LRP2: variants seen among roughly 807,000 people sequenced by gnomAD.
LRP2 encodes the protein LDL receptor related protein 2.
In LRP2, 172 loss-of-function variants were observed where a neutral mutation model predicts 531.0. The observed-to-expected ratio is 0.32, with a 90% CI of 0.29 to 0.37. The LOEUF is 0.37. LRP2 is among the 10% of genes least tolerant of loss of function. The pLI is 1.00. For synonymous variants in LRP2, 1,992 were observed against 2,027.6 expected (o/e 0.98, Z 0.47); for missense variants, 5,167 against 5,868.3 (o/e 0.88, Z 3.90).
intron 1 of LRP2, among the ~76,000 whole-genome samples, chr2:169,327,734 C>G (rs1455867389): frequency 7.8e-6 from 1 of 128,620 alleles, no homozygotes. Context: ...GCCCGGCCAG[C>G]CGCCCCGTCC....
rs897303927 is a variant in LRP2, at chr2:169,324,614, G to C, written c.80-3730C>G. 3.5e-5 allele frequency among the ~76,000 whole-genome samples: 5 copies of C among 142,764 alleles called. 1 individual carries two copies. The highest frequency in any genetic ancestry group is 6.0e-5 in the Non-Finnish European group (4 of 66,212). 93.7% of individuals were successfully genotyped at this position (142,764 alleles called of 152,430 possible). The stretch of plus-strand genomic sequence containing the variant: ...TAAACTTGTTTTCCAACCTCATAAA[G>C]AGCCCAAAGCTAGGGGAAAAAAAAA... On this transcript the variant is annotated intron_variant, in intron 1 of 78. Transcript: ENST00000649046.
At chr2:169,130,523 T>A (rs1013882578) in intron 77 of LRP2, among the ~76,000 whole-genome samples, 1 of 152,156 alleles carries the variant, frequency 6.6e-6, no homozygotes, top group African/African-American at 2.4e-5. Context: ...CCTGATGTCA[T>A]GATCCACCCA....
chr2:169,317,619 A>C (rs1684799132), intron 3 of LRP2, among the ~76,000 whole-genome samples: 1 of 152,154 alleles, frequency 6.6e-6, no homozygotes, highest in African/African-American at 2.4e-5. Flanking sequence ...AACTTTTTTG[A>C]GTTGTGTTTT....
chr2:169,182,218 T>G lies in LRP2; in HGVS notation c.9947A>C (p.Asn3316Thr). Reference protein sequence around the residue: ...MLAQHCVDANNTFCFDNPRGL... With the variant: ...MLAQHCVDANTTFCFDNPRGL... The stretch of plus-strand genomic sequence containing the variant: ...TCTGGGATTATCAAAGCAGAAGGTG[T>G]TGTTGGCATCCACACAGTGCTGGGC... The change falls in exon 51 of 79, where the codon AAC (asparagine) becomes ACC (threonine). Residue 3316 changes from asparagine to threonine, a missense_variant. Transcript: ENST00000649046. 1 of 1,614,158 alleles carries G rather than the reference T, an allele frequency of 6.2e-7. No individual in the cohort carries two copies. The highest frequency in any genetic ancestry group is 8.5e-7 in the Non-Finnish European group (1 of 1,179,998).
chr2:169,217,532 C>A (rs974238541), intron 34 of LRP2, among the ~76,000 whole-genome samples: 3 of 152,090 alleles, frequency 2.0e-5, no homozygotes, highest in Non-Finnish European at 4.4e-5. Flanking sequence ...CTTATTTATT[C>A]TTTTGGGTTC....
chr2:169,175,409 C>T lies in LRP2; in HGVS notation c.10572-20G>A. ...ATGCACCTGCACAGAGAACATACAG[C>T]ACTTCTTTAGCAAAGCACCAGGGGC... On this transcript the variant is annotated intron_variant, in intron 54 of 78. Coordinates refer to ENST00000649046, the MANE Select transcript of LRP2 (RefSeq NM_004525.3). 1 of 1,612,088 alleles carries T rather than the reference C, an allele frequency of 6.2e-7. No individual in the cohort carries two copies. The highest frequency in any genetic ancestry group is 1.1e-5 in the South Asian group (1 of 90,926).
At chr2:169,247,248 G>A in intron 20 of LRP2, 130 bp downstream of exon 20, 2 of 1,029,580 alleles carry the variant, frequency 1.9e-6, no homozygotes, top group East Asian at 2.6e-5. Flanking sequence ...TAGATTATGT[G>A]AACGACAAGA....
At chr2:169,199,981 T>C (rs910597902) in intron 44 of LRP2, among the ~76,000 whole-genome samples, 1 of 152,232 alleles carries the variant, frequency 6.6e-6, no homozygotes, top group African/African-American at 2.4e-5. Flanking sequence ...CCGGGTGCAG[T>C]GGCTCACGCC....
rs768137382 is a variant in LRP2 at position 169,320,778 on chromosome 2, G to A, written c.186C>T (p.Cys62=). ...DCSDDADEIG[C]AVVTCQQGYF... The stretch of plus-strand genomic sequence containing the variant: ...TTAGCCTGGCCCCTCCTCACTTACC[G>A]CAGCCAATTTCATCCGCGTCATCTG... Residue 62 remains cysteine, a splice_region_variant and synonymous_variant, in exon 2 of 79, where the codon TGC becomes TGT. Coordinates refer to ENST00000649046, the MANE Select transcript of LRP2 (RefSeq NM_004525.3). The A allele has an allele frequency of 5.5e-5, 89 of 1,613,306 alleles. No individual in the cohort carries two copies. Among genetic ancestry groups the A allele is most frequent in the Middle Eastern group, 4.9e-4 (3 of 6,062 alleles).
At chr2:169,169,905 C>T (rs1449384602) in intron 59 of LRP2, 87 bp from the exon 60 acceptor site, 3 of 893,654 alleles carry the variant, frequency 3.4e-6, no homozygotes, top group South Asian at 1.3e-5. Flanking sequence ...TACTCCATCA[C>T]ATTCCTATCT....
chr2:169,255,591 T>G (rs1458675033), intron 19 of LRP2, among the ~76,000 whole-genome samples: 2 of 152,178 alleles, frequency 1.3e-5, no homozygotes, highest in Middle Eastern at 3.2e-3. Flanking sequence ...ACAAAGACGA[T>G]GTCAGTTCTC....
At chr2:169,154,438 A>G (rs765947849) in intron 66 of LRP2, 22 bp downstream of exon 66, 1 of 1,606,528 alleles carries the variant, frequency 6.2e-7, no homozygotes, top group South Asian at 1.1e-5. Context: ...TATCAATGAA[A>G]GATGCCAAAG....
Position 169,362,421 on chromosome 2 carries a change from C to T in LRP2, c.-22G>A. 21 of 1,546,004 alleles carry T rather than the reference C, an allele frequency of 1.4e-5. No homozygotes were observed. Among genetic ancestry groups the T allele is most frequent in the Non-Finnish European group, 1.8e-5 (21 of 1,147,396 alleles). On this transcript the variant is annotated 5_prime_UTR_variant, in exon 1 of 79. Transcript: ENST00000649046. ...CCATCTCCGCGACGGTCCCCGGCCT[C>T]GCCGTTCCTTCCCCGGGAGGTGGGC...
At chr2:169,210,668 T>G (rs537878046) in intron 37 of LRP2, among the ~76,000 whole-genome samples, 1 of 152,172 alleles carries the variant, frequency 6.6e-6, no homozygotes, top group African/African-American at 2.4e-5. Context: ...TGGAAGAAAC[T>G]AATGAGATAT....
At position 169,157,519 on chromosome 2, in the gene LRP2, C is replaced by G. The variant is rs769736423; in HGVS notation, c.11888-17G>C. 4 of 1,611,466 alleles carry G rather than the reference C, an allele frequency of 2.5e-6. No individual in the cohort carries two copies. The highest frequency in any genetic ancestry group is 3.4e-6 in the Non-Finnish European group (4 of 1,178,998). ...TTCCTTTATCTGAAAAACAAAATCC[C>G]AGCATTACAAACCAGATCAGCCACA... On this transcript the variant is annotated splice_polypyrimidine_tract_variant and intron_variant, in intron 63 of 78. Transcript: ENST00000649046.
chr2:169,356,306 T>C (rs532192983), intron 1 of LRP2, among the ~76,000 whole-genome samples: 2 of 152,326 alleles, frequency 1.3e-5, no homozygotes, highest in South Asian at 4.1e-4. Context: ...GTAGCCACTG[T>C]AAGGATGTAA....
rs771826165 is a variant in LRP2 at position 169,207,123 on chromosome 2, G to A, written c.6597C>T (p.Pro2199=). Residue 2199 remains proline (P), a synonymous_variant, in exon 39 of 79, where the codon CCC becomes CCT. Coordinates refer to ENST00000649046, the MANE Select transcript of LRP2 (RefSeq NM_004525.3). ...VDMPRHIVVD[P]KNRYLFWADY... ...CAGCCCAGAAGAGGTATCTGTTCTT[G>A]GGATCTACAACAATATGCCTAGGCA... is the stretch of plus-strand genomic sequence containing the variant. 6.2e-7 allele frequency: 1 copy of A among 1,612,212 alleles called. No individual in the cohort carries two copies. The highest frequency in any genetic ancestry group is 8.5e-7 in the Non-Finnish European group (1 of 1,179,014).
Position 169,216,345 on chromosome 2 carries a change from T to C in LRP2, c.5734A>G (p.Thr1912Ala). ...TGTTCGAGGTTCCCAGTAAAGAGAG[T>C]TTTCACAGATGTGCCATCCATGTTA... is the stretch of plus-strand genomic sequence containing the variant. ...SANMDGTSVKTLFTGNLEHLE... is the reference protein window; with the variant it reads ...SANMDGTSVKALFTGNLEHLE... Residue 1912 changes from threonine to alanine, a missense_variant, in exon 35 of 79, where the codon ACT (threonine) becomes GCT (alanine). Physicochemically the swap from Thr to Ala is moderately conservative, Grantham distance 58. Transcript: ENST00000649046. 6.2e-7 allele frequency: 1 copy of C among 1,612,960 alleles called. No individual in the cohort carries two copies. Among genetic ancestry groups the C allele is most frequent in the East Asian group, 2.2e-5 (1 of 44,854 alleles).
chr2:169,310,998 T>C lies in LRP2; in HGVS notation c.311-3601A>G, dbSNP rs531910621. Among the ~76,000 whole-genome samples the C allele has an allele frequency of 3.2e-4, 49 of 152,348 alleles. 1 individual carries two copies. Among genetic ancestry groups the C allele is most frequent in the Non-Finnish European group, 6.8e-4 (46 of 68,036 alleles). On this transcript the variant is annotated intron_variant, in intron 3 of 78. Transcript: ENST00000649046. ...TCTAGTTGATTTGCATAGAGGTTTT[T>C]ATAGTATTCTCTGATGGTAGTTTGT...
Sources: allele counts gnomAD v4.1 joint callset (sites outside exome capture counted in the v4.1 genomes callset), GRCh38; gene constraint gnomAD v4.1.1; transcripts MANE v1.5; gene names NCBI Gene and HGNC (gene_info 2026-07-23, HGNC 2026-07-21).